Variants in PTAFR observed in about 807,000 individuals in gnomAD.
The protein encoded by PTAFR is platelet activating factor receptor.
Under a neutral mutation model 14.7 loss-of-function variants are expected in PTAFR, and 8 were observed. The observed-to-expected ratio is 0.54, with a 90% confidence interval of 0.32 to 0.98. PTAFR has a LOEUF of 0.98. Among genes scored for constraint, PTAFR ranks in the 50% least tolerant of loss-of-function variants. PTAFR has a pLI of 0.04. For missense variants in PTAFR, 337 were observed against 451.2 expected, an observed-to-expected ratio of 0.75 and a Z score of 2.29; for synonymous variants, 156 against 176.5, an observed-to-expected ratio of 0.88 and a Z score of 0.92.
At chr1:28,160,857 C>A (rs950867291) in intron 1 of PTAFR, among the ~76,000 whole-genome samples, 3 of 152,140 alleles carry the variant, frequency 2.0e-5, no homozygotes, top group African/African-American at 7.2e-5. Context: ...ACTTCTGCTG[C>A]CTTCTGTTCA....
intron 1 of PTAFR, among the ~76,000 whole-genome samples, chr1:28,188,261 C>A (rs556400314): frequency 1.3e-5 from 2 of 152,158 alleles, no homozygotes; most frequent in Admixed American, 1.3e-4. Flanking sequence ...GCTTGGGCAA[C>A]GTATCAAGAC....
intron 1 of PTAFR, among the ~76,000 whole-genome samples, chr1:28,155,093 C>T (rs773660091): frequency 2.8e-4 from 43 of 152,322 alleles, no homozygotes; most frequent in African/African-American, 1.0e-3. Flanking sequence ...CTAGCCAGAA[C>T]GGACTTCCCA....
At chr1:28,165,206 A>C (rs1646369760) in intron 1 of PTAFR, among the ~76,000 whole-genome samples, 1 of 151,956 alleles carries the variant, frequency 6.6e-6, no homozygotes, top group Non-Finnish European at 1.5e-5. Context: ...GGAGTTTGAG[A>C]CCAGCCTGGC....
intron 1 of PTAFR, among the ~76,000 whole-genome samples, chr1:28,153,052 G>C (rs546864196): frequency 1.5e-3 from 235 of 152,136 alleles, no homozygotes; most frequent in Non-Finnish European, 2.7e-3. Flanking sequence ...CCCAGCATTT[G>C]GGAGGCCAAG....
At chr1:28,167,489 G>A (rs1286939594) in intron 1 of PTAFR, among the ~76,000 whole-genome samples, 1 of 152,040 alleles carries the variant, frequency 6.6e-6, no homozygotes, top group African/African-American at 2.4e-5. Flanking sequence ...TGGAACTTTC[G>A]CATAGTGTTC....
intron 1 of PTAFR, among the ~76,000 whole-genome samples, chr1:28,176,004 TC>T (rs956235245): frequency 2.0e-5 from 3 of 151,692 alleles, no homozygotes; most frequent in African/African-American, 7.3e-5. Context: ...CATCAACACC[TC>T]CCAGTGGGAT....
intron 1 of PTAFR, among the ~76,000 whole-genome samples, chr1:28,184,427 A>G (rs1378240596): frequency 6.6e-6 from 1 of 151,996 alleles, no homozygotes; most frequent in African/African-American, 2.4e-5. Flanking sequence ...CGGTTGAACT[A>G]TTAAACATCA....
chr1:28,150,346 C>T lies in PTAFR; in HGVS notation c.676G>A (p.Val226Ile), dbSNP rs1340190269. ...ACCATCCACAGCGCCCGGCGCTTGA[C>T]TTCAGCGTTGCGCTGCTGCTGCACC... The part of the protein sequence containing the change: ...QPVQQQRNAE[V>I]KRRALWMVCT... Residue 226 changes from valine (V) to isoleucine (I), a missense_variant, in exon 2 of 2, where the codon GTC (valine) becomes ATC (isoleucine). Physicochemically the swap from Val to Ile is conservative, Grantham distance 29. Coordinates refer to ENST00000373857, the MANE Select transcript of PTAFR (RefSeq NM_000952.5). This position sits in a 1 kb window ranked among gnomAD's most constrained non-coding sequence, Gnocchi z 6.3. 6.2e-7 allele frequency: 1 copy of T among 1,614,096 alleles called. No homozygotes were observed. Among genetic ancestry groups the T allele is most frequent in the South Asian group, 1.1e-5 (1 of 91,072 alleles).
rs1646145982 is a variant in PTAFR at position 28,148,951 on chromosome 1, A to C, written c.*1042T>G. 2.0e-5 allele frequency: 3 copies of C among 152,268 alleles called. 1 individual carries two copies. In the South Asian group the frequency reaches 6.2e-4, roughly 31 times the overall value. 9.4% of individuals were successfully genotyped at this position (152,268 alleles called of 1,614,324 possible). On this transcript the variant is annotated 3_prime_UTR_variant, in exon 2 of 2. Transcript: ENST00000373857. The stretch of plus-strand genomic sequence containing the variant: ...GGTGGCTGCCCCACAGAAGGTACTT[A>C]ATTAGGGACTATTGTTGAGACAGAA...
chr1:28,191,359 G>T (rs567802762), intron 1 of PTAFR, among the ~76,000 whole-genome samples: 2 of 152,354 alleles, frequency 1.3e-5, no homozygotes, highest in South Asian at 4.1e-4. Context: ...AGCCCACAGA[G>T]CCTGGGCACT....
intron 1 of PTAFR, among the ~76,000 whole-genome samples, chr1:28,190,673 A>T (rs1010533055): frequency 2.0e-5 from 3 of 152,092 alleles, no homozygotes; most frequent in Non-Finnish European, 4.4e-5. Context: ...ATAGAGAAAG[A>T]GTCACGGGAG....
Position 28,147,583 on chromosome 1 carries a change from A to G in PTAFR, c.*2410T>C, listed in dbSNP as rs775942221. 6.6e-6 allele frequency: 1 copy of G among 152,150 alleles called. No individual in the cohort carries two copies. Among genetic ancestry groups the G allele is most frequent in the Non-Finnish European group, 1.5e-5 (1 of 68,152 alleles). The allele number at this position is 152,150 out of a possible 1,614,324, so 9.4% of individuals were successfully genotyped here. Reference sequence around the variant, plus strand: ...CCATCCCCCGCAACACACACAGACAAACACACACACATGGACACAGTCACA... The same window carrying G: ...CCATCCCCCGCAACACACACAGACAGACACACACACATGGACACAGTCACA... On this transcript the variant is annotated 3_prime_UTR_variant, in exon 2 of 2. Coordinates refer to ENST00000373857, the MANE Select transcript of PTAFR (RefSeq NM_000952.5).
At chr1:28,173,642 C>T (rs1646478116) in intron 1 of PTAFR, among the ~76,000 whole-genome samples, 1 of 148,130 alleles carries the variant, frequency 6.8e-6, no homozygotes, top group African/African-American at 2.5e-5. Context: ...CAGAGCAAGA[C>T]TCTGTCTCAA....
At position 28,150,108 on chromosome 1, in the gene PTAFR, G is replaced by A; in HGVS notation, c.914C>T (p.Thr305Ile). The change falls in exon 2 of 2, where the codon ACC (threonine) becomes ATC (isoleucine). Residue 305 changes from threonine (T) to isoleucine (I), a missense_variant. Coordinates refer to ENST00000373857, the MANE Select transcript of PTAFR (RefSeq NM_000952.5). This position sits in a 1 kb window ranked among gnomAD's most constrained non-coding sequence, Gnocchi z 6.3. ...FLTKKFRKHL[T>I]EKFYSMRSSR... ...ACTGCGCATGCTGTAGAACTTTTCGGTGAGGTGCTTGCGGAACTTCTTGGT... is the reference window on the plus strand; with the variant it reads ...ACTGCGCATGCTGTAGAACTTTTCGATGAGGTGCTTGCGGAACTTCTTGGT... The A allele has an allele frequency of 1.9e-6, 3 of 1,614,176 alleles. No homozygotes were observed. The highest frequency in any genetic ancestry group is 2.5e-6 in the Non-Finnish European group (3 of 1,180,020).
At chr1:28,162,116 C>T (rs1557689064) in intron 1 of PTAFR, among the ~76,000 whole-genome samples, 1 of 152,112 alleles carries the variant, frequency 6.6e-6, no homozygotes, top group South Asian at 2.1e-4. Flanking sequence ...TTCTGTGAGC[C>T]TCGGAGAGCT....
chr1:28,158,063 C>T (rs1284293502), intron 1 of PTAFR, among the ~76,000 whole-genome samples: 1 of 152,146 alleles, frequency 6.6e-6, no homozygotes, highest in African/African-American at 2.4e-5. Flanking sequence ...TGAGCAGTGC[C>T]CTGAGGCCTC....
chr1:28,170,086 C>A (rs1048286909), intron 1 of PTAFR, among the ~76,000 whole-genome samples: 1 of 152,154 alleles, frequency 6.6e-6, no homozygotes, highest in Non-Finnish European at 1.5e-5. Flanking sequence ...CTTCCCTACC[C>A]CAGACAGAGT....
At chr1:28,169,131 G>A (rs1445060299) in intron 1 of PTAFR, among the ~76,000 whole-genome samples, 2 of 152,074 alleles carry the variant, frequency 1.3e-5, no homozygotes, top group Admixed American at 6.5e-5. Context: ...CTGGAATTAC[G>A]TGGCCTGTAA....
In PTAFR at chr1:28,147,933, G is replaced by A. The variant is rs1180077917; in HGVS notation, c.*2060C>T. On this transcript the variant is annotated 3_prime_UTR_variant, in exon 2 of 2. Coordinates refer to ENST00000373857, the MANE Select transcript of PTAFR (RefSeq NM_000952.5). ...CTTGTGTGATGCTGCACTAGCCACCGGGTCATCCCATCAGCCAAGTCCAGC... is the reference window on the plus strand; with the variant it reads ...CTTGTGTGATGCTGCACTAGCCACCAGGTCATCCCATCAGCCAAGTCCAGC... 6.6e-6 allele frequency: 1 copy of A among 152,340 alleles called. No individual in the cohort carries two copies. Among genetic ancestry groups the A allele is most frequent in the African/African-American group, 2.4e-5 (1 of 41,404 alleles). The allele number at this position is 152,340 out of a possible 1,614,324, so 9.4% of individuals were successfully genotyped here.
Sources: allele counts gnomAD v4.1 joint callset (sites outside exome capture counted in the v4.1 genomes callset), GRCh38; gene constraint gnomAD v4.1.1; non-coding constraint Gnocchi (gnomAD v3.1); transcripts MANE v1.5; gene names NCBI Gene and HGNC (gene_info 2026-07-23, HGNC 2026-07-21).